DLG5: variants seen among roughly 807,000 people sequenced by gnomAD.
DLG5 encodes the protein disks large homolog 5.
A neutral mutation model predicts 189.8 loss-of-function variants in DLG5; 48 were observed. That is an observed-to-expected ratio of 0.25 (90% CI 0.20 to 0.32). The LOEUF (loss-of-function observed/expected upper bound fraction) is 0.32. Among genes scored for constraint, DLG5 ranks in the 10% least tolerant of loss-of-function variants. The pLI is 1.00. For missense variants in DLG5, 2,160 were observed against 2,544.7 expected (o/e 0.85, Z 3.25); for synonymous variants, 1,016 against 1,054.1 (o/e 0.96, Z 0.70).
intron 1 of DLG5, among the ~76,000 whole-genome samples, chr10:77,922,773 T>C (rs1846573675): frequency 6.6e-6 from 1 of 152,140 alleles, no homozygotes; most frequent in Non-Finnish European, 1.5e-5. Flanking sequence ...TGAATGACAA[T>C]GCCCTATCAA....
In DLG5 at chr10:77,899,916, C is replaced by G. The variant is rs115946031; in HGVS notation, c.304+26301G>C. Among the ~76,000 whole-genome samples, 659 of 152,300 alleles carry G rather than the reference C, an allele frequency of 4.3e-3. 7 individuals carry two copies. Among genetic ancestry groups the G allele is most frequent in the African/African-American group, 0.015 (623 of 41,570 alleles). The stretch of plus-strand genomic sequence containing the variant: ...ACACAACACCAACACCCAAACATAA[C>G]AGCAAATGGATATAATCTTATCAAT... On this transcript the variant is annotated intron_variant, in intron 1 of 31. Coordinates refer to ENST00000372391, the MANE Select transcript of DLG5 (RefSeq NM_004747.4).
In DLG5 at chr10:77,819,470, A is replaced by G; in HGVS notation, c.3527-5T>C. The G allele has an allele frequency of 6.2e-7, 1 of 1,611,568 alleles. No individual in the cohort carries two copies. Among genetic ancestry groups the G allele is most frequent in the Non-Finnish European group, 8.5e-7 (1 of 1,179,262 alleles). The stretch of plus-strand genomic sequence containing the variant: ...TCAAACTCCGGGGAACAGTGCCTAG[A>G]AATGGGCTTGGTGAGAAAAGACGCC... On this transcript the variant is annotated splice_region_variant and splice_polypyrimidine_tract_variant and intron_variant, in intron 16 of 31. Coordinates refer to ENST00000372391, the MANE Select transcript of DLG5 (RefSeq NM_004747.4).
chr10:77,898,885 A>T lies in DLG5; in HGVS notation c.304+27332T>A, dbSNP rs151074336. On this transcript the variant is annotated intron_variant, in intron 1 of 31. Transcript: ENST00000372391. ...AAAGTCACCCACGCCGGGACGGGGC[A>T]GCAATCCCAGGATTCTCCTCCTACC... 6.6e-5 allele frequency among the ~76,000 whole-genome samples: 10 copies of T among 152,348 alleles called. No homozygotes were observed. In the East Asian group the frequency reaches 1.5e-3, roughly 24 times the overall value.
At chr10:77,816,276 G>A in intron 20 of DLG5, 2 of 670,368 alleles carry the variant, frequency 3.0e-6, no homozygotes, top group Non-Finnish European at 5.5e-6. Context: ...GCCCAGGAAG[G>A]TGTAAATGGT....
At chr10:77,884,009 T>C (rs1446369136) in intron 1 of DLG5, among the ~76,000 whole-genome samples, 1 of 152,030 alleles carries the variant, frequency 6.6e-6, no homozygotes, top group East Asian at 1.9e-4. Context: ...TGAAGTAACA[T>C]TGTTCTAAGT....
chr10:77,926,378 G>A lies in DLG5; in HGVS notation c.143C>T (p.Ala48Val). ...PGERRQLDEEAGGAKAELLLK... is the reference protein window; with the variant it reads ...PGERRQLDEEVGGAKAELLLK... ...CAGCAGCTCCGCCTTGGCGCCTCCC[G>A]CCTCCTCGTCCAGCTGCCGCCGCTC... The change falls in exon 1 of 32, where the codon GCG becomes GTG. Residue 48 changes from alanine (A) to valine (V), a missense_variant. By Grantham distance (64) the Ala-to-Val change is moderately conservative. Around this residue, in one of 5 missense-constraint regions of DLG5, gnomAD observed 664 missense variants for 838.5 expected, o/e 0.79. Transcript: ENST00000372391. The surrounding 1 kb of genome is among the most constrained non-coding windows in gnomAD (Gnocchi z 5.2). 6.3e-7 allele frequency: 1 copy of A among 1,596,942 alleles called. No homozygotes were observed. The highest frequency in any genetic ancestry group is 8.5e-7 in the Non-Finnish European group (1 of 1,173,876).
chr10:77,893,233 G>T (rs943601654), intron 1 of DLG5, among the ~76,000 whole-genome samples: 5 of 152,220 alleles, frequency 3.3e-5, no homozygotes, highest in African/African-American at 9.7e-5. Flanking sequence ...CAGCAAGGAA[G>T]GAGAGAGAGA....
At chr10:77,865,208 G>A (rs1195640418) in intron 2 of DLG5, among the ~76,000 whole-genome samples, 1 of 152,140 alleles carries the variant, frequency 6.6e-6, no homozygotes, top group Non-Finnish European at 1.5e-5. Flanking sequence ...TGTTCACCGT[G>A]ATCCCTATGA....
At chr10:77,859,401 G>C (rs1458839702) in intron 2 of DLG5, among the ~76,000 whole-genome samples, 1 of 152,150 alleles carries the variant, frequency 6.6e-6, no homozygotes, top group Non-Finnish European at 1.5e-5. Flanking sequence ...CTCACTCACT[G>C]ACTTACCCAG....
At position 77,918,834 on chromosome 10, in the gene DLG5, C is replaced by T. The variant is rs1302370965; in HGVS notation, c.304+7383G>A. On this transcript the variant is annotated intron_variant, in intron 1 of 31. Coordinates refer to ENST00000372391, the MANE Select transcript of DLG5 (RefSeq NM_004747.4). The stretch of plus-strand genomic sequence containing the variant: ...CTATGTTTGCTACCTCTGTGGCTCA[C>T]ATCTTCCCAGGGTTTCAGGAAACGA... Among the ~76,000 whole-genome samples the T allele has an allele frequency of 2.6e-5, 4 of 152,122 alleles. 1 individual carries two copies. In the East Asian group the frequency reaches 7.7e-4, roughly 29 times the overall value.
At chr10:77,869,881 A>T (rs1404187675) in intron 1 of DLG5, among the ~76,000 whole-genome samples, 1 of 152,126 alleles carries the variant, frequency 6.6e-6, no homozygotes, top group Non-Finnish European at 1.5e-5. Context: ...CCAGTTTCTG[A>T]ACCTAGCTCT....
At chr10:77,924,939 T>C (rs1028586770) in intron 1 of DLG5, among the ~76,000 whole-genome samples, 2 of 152,186 alleles carry the variant, frequency 1.3e-5, no homozygotes, top group Non-Finnish European at 2.9e-5. Flanking sequence ...CCTTAATAAG[T>C]GGGGCTTTTA....
In DLG5 at chr10:77,794,872, G is replaced by A; in HGVS notation, c.5523C>T (p.His1841=). The change falls in exon 30 of 32, where the codon CAC becomes CAT. Residue 1841 remains histidine, a synonymous_variant. Transcript: ENST00000372391. ...ACTTGATGTGCTTGGCGCTCTTGTA[G>A]TGGATGAAGATGACAATGGGGTAGA... is the stretch of plus-strand genomic sequence containing the variant. The part of the protein sequence containing the change: ...MHIYPIVIFI[H]YKSAKHIKEQ... 2 of 1,614,092 alleles carry A rather than the reference G, an allele frequency of 1.2e-6. No homozygotes were observed. Among genetic ancestry groups the A allele is most frequent in the South Asian group, 2.2e-5 (2 of 91,082 alleles).
intron 11 of DLG5, 115 bp downstream of exon 11, chr10:77,830,102 G>T: frequency 7.6e-7 from 1 of 1,323,592 alleles, no homozygotes; most frequent in Non-Finnish European, 1.0e-6. Context: ...GACAGACTGT[G>T]TGTGAGTCTA....
intron 5 of DLG5, among the ~76,000 whole-genome samples, chr10:77,847,615 AG>A (rs1324010324): frequency 3.9e-5 from 6 of 152,302 alleles, no homozygotes; most frequent in Admixed American, 2.0e-4. Flanking sequence ...TCGCCATCAG[AG>A]GATTATGTTC....
At chr10:77,926,957 A>T, upstream of DLG5, 1 of 379,260 alleles carries the variant, frequency 2.6e-6, no homozygotes, top group Middle Eastern at 4.0e-4. This position sits in a 1 kb window ranked among gnomAD's most constrained non-coding sequence, Gnocchi z 5.2. Context: ...AACTCCCGGG[A>T]GAAAGTCGCC....
In DLG5 at chr10:77,792,556, C is replaced by T; in HGVS notation, c.5657-13G>A. On this transcript the variant is annotated splice_polypyrimidine_tract_variant and intron_variant, in intron 31 of 31. Transcript: ENST00000372391. ...CCCTGGATGACCCCTGCAAAAGAGC[C>T]CCCCAGACACGTCATTCAGCTCAGA... The T allele has an allele frequency of 6.2e-7, 1 of 1,613,232 alleles. No individual in the cohort carries two copies. Among genetic ancestry groups the T allele is most frequent in the Non-Finnish European group, 8.5e-7 (1 of 1,179,248 alleles).
intron 20 of DLG5, among the ~76,000 whole-genome samples, chr10:77,814,473 ATAT>A (rs1841946327): frequency 1.0e-5 from 1 of 97,216 alleles, no homozygotes; most frequent in African/African-American, 1.0e-4. Context: ...ATATATATAT[ATAT>A]ATATATATAT....
chr10:77,854,516 G>A (rs1844136633), intron 3 of DLG5, 146 bp from the exon 4 acceptor site: 1 of 1,115,948 alleles, frequency 9.0e-7, no homozygotes, highest in Non-Finnish European at 1.2e-6. Context: ...GTTAAACTCA[G>A]ATATCCTGGC....
Sources: allele counts gnomAD v4.1 joint callset (sites outside exome capture counted in the v4.1 genomes callset), GRCh38; gene constraint gnomAD v4.1.1; regional missense constraint gnomAD v4.1.1; non-coding constraint Gnocchi (gnomAD v3.1); transcripts MANE v1.5; gene names NCBI Gene and HGNC (gene_info 2026-07-23, HGNC 2026-07-21).